ADGRB3: variants seen among roughly 807,000 people sequenced by gnomAD.
The protein encoded by ADGRB3 is brain-specific angiogenesis inhibitor 3.
A neutral mutation model predicts 193.4 loss-of-function variants in ADGRB3; 37 were observed. That is an observed-to-expected ratio of 0.19 (90% CI 0.15 to 0.25). ADGRB3 has a LOEUF of 0.25. Among genes scored for constraint, ADGRB3 ranks in the 10% least tolerant of loss-of-function variants. The pLI, the probability that ADGRB3 is intolerant of heterozygous loss-of-function variation, is 1.00. For missense variants in ADGRB3, 1,637 were observed against 1,852.9 expected, an observed-to-expected ratio of 0.88 and a Z score of 2.14; for synonymous variants, 690 against 644.2, an observed-to-expected ratio of 1.07 and a Z score of -1.08.
chr6:68,834,005 G>C (rs1191137654), intron 3 of ADGRB3, among the ~76,000 whole-genome samples: 3 of 139,000 alleles, frequency 2.2e-5, no homozygotes, highest in Admixed American at 2.1e-4. Flanking sequence ...ACCAAGCACA[G>C]TGCTTACATA....
At chr6:69,318,861 G>A (rs1582629019) in intron 20 of ADGRB3, among the ~76,000 whole-genome samples, 1 of 147,816 alleles carries the variant, frequency 6.8e-6, no homozygotes, top group African/African-American at 2.5e-5. Context: ...ATGTATAACT[G>A]TATATATATA....
chr6:69,021,265 T>G (rs1456117767), intron 13 of ADGRB3, among the ~76,000 whole-genome samples: 1 of 151,916 alleles, frequency 6.6e-6, no homozygotes, highest in African/African-American at 2.4e-5. Flanking sequence ...TTTAGAGAGA[T>G]TATAAATTAT....
rs142146855 is a variant in ADGRB3, at chr6:68,971,498, G to A, written c.1526-3265G>A. Among the ~76,000 whole-genome samples the A allele has an allele frequency of 4.1e-3, 621 of 152,268 alleles. 9 individuals carry two copies. The highest frequency in any genetic ancestry group is 4.4e-3 in the South Asian group (21 of 4,824). ...GTTGAAAAAAATCCACATATAAGTGGACCCATGCAGCTCAAACCTGTGTTG... is the reference window on the plus strand; with the variant it reads ...GTTGAAAAAAATCCACATATAAGTGAACCCATGCAGCTCAAACCTGTGTTG... On this transcript the variant is annotated intron_variant, in intron 8 of 31. Coordinates refer to ENST00000370598, the MANE Select transcript of ADGRB3 (RefSeq NM_001704.3).
At chr6:68,693,598 A>C (rs1765112896) in intron 3 of ADGRB3, among the ~76,000 whole-genome samples, 1 of 151,948 alleles carries the variant, frequency 6.6e-6, no homozygotes, top group Non-Finnish European at 1.5e-5. Context: ...TTTCTAATAA[A>C]ATGTCTACTC....
intron 17 of ADGRB3, among the ~76,000 whole-genome samples, chr6:69,154,686 C>T (rs550611616): frequency 2.0e-5 from 3 of 152,296 alleles, no homozygotes; most frequent in Non-Finnish European, 4.4e-5. Flanking sequence ...CCTCTGCTAA[C>T]GTATAGGTCT....
chr6:68,707,620 A>G lies in ADGRB3; in HGVS notation c.757+68188A>G, dbSNP rs560282845. ...TTTGTGAGATTAATTGAATAATTAT[A>G]CTTATAAATTATTGAGAAATAATCT... On this transcript the variant is annotated intron_variant, in intron 3 of 31. Coordinates refer to ENST00000370598, the MANE Select transcript of ADGRB3 (RefSeq NM_001704.3). Among the ~76,000 whole-genome samples, 6 of 152,286 alleles carry G rather than the reference A, an allele frequency of 3.9e-5. No homozygotes were observed. In the East Asian group the frequency reaches 1.2e-3, roughly 29 times the overall value.
At chr6:69,098,277 T>C (rs1772940826) in intron 17 of ADGRB3, among the ~76,000 whole-genome samples, 1 of 152,178 alleles carries the variant, frequency 6.6e-6, no homozygotes, top group South Asian at 2.1e-4. Flanking sequence ...AATCACCTAC[T>C]TCAAGTATTA....
At chr6:68,746,247 T>A (rs1423649398) in intron 3 of ADGRB3, among the ~76,000 whole-genome samples, 1 of 151,988 alleles carries the variant, frequency 6.6e-6, no homozygotes, top group Non-Finnish European at 1.5e-5. Flanking sequence ...CATTACTATT[T>A]TAATTTTTCT....
At chr6:68,687,189 T>A (rs1373893633) in intron 3 of ADGRB3, among the ~76,000 whole-genome samples, 1 of 152,040 alleles carries the variant, frequency 6.6e-6, no homozygotes, top group Non-Finnish European at 1.5e-5. Flanking sequence ...ATTTTTAAAG[T>A]TCCTAAATAT....
Position 68,666,523 on chromosome 6 carries a change from G to C in ADGRB3, c.757+27091G>C, listed in dbSNP as rs530597724. Among the ~76,000 whole-genome samples, 25 of 151,818 alleles carry C rather than the reference G, an allele frequency of 1.6e-4. No homozygotes were observed. In the South Asian group the frequency reaches 5.2e-3, roughly 31 times the overall value. On this transcript the variant is annotated intron_variant, in intron 3 of 31. Transcript: ENST00000370598. ...CAGAAGAAATGCTTTCTTCTGTTCT[G>C]TTGACACGCAAGTTAGTCATAGGTC...
intron 11 of ADGRB3, among the ~76,000 whole-genome samples, chr6:68,994,184 G>A (rs1769320907): frequency 6.6e-6 from 1 of 152,078 alleles, no homozygotes; most frequent in South Asian, 2.1e-4. Context: ...AGGAGATACT[G>A]AATGAGAACC....
chr6:69,068,730 T>A lies in ADGRB3; in HGVS notation c.2436+5694T>A, dbSNP rs180859546. 1.2e-3 allele frequency among the ~76,000 whole-genome samples: 188 copies of A among 152,296 alleles called. 1 individual carries two copies. The highest frequency in any genetic ancestry group is 4.4e-3 in the African/African-American group (185 of 41,578). ...CAAGCTGTCATCACATCTATAAAAA[T>A]AGTGTCATGTGGTTAATGTGGGCTA... is the stretch of plus-strand genomic sequence containing the variant. On this transcript the variant is annotated intron_variant, in intron 16 of 31. Transcript: ENST00000370598.
rs765300685 is a variant in ADGRB3, at chr6:69,070,952, T to C, written c.2437-5043T>C. Among the ~76,000 whole-genome samples the C allele has an allele frequency of 3.2e-4, 49 of 152,226 alleles. 1 individual carries two copies. The highest frequency in any genetic ancestry group is 7.2e-4 in the Non-Finnish European group (49 of 68,034). On this transcript the variant is annotated intron_variant, in intron 16 of 31. Transcript: ENST00000370598. ...TCAAAGATAATCTTGCTGATGAAGC[T>C]TTCTTAATAGACAAAAGTACTATCC...
At chr6:69,069,551 T>TCCAAAA (rs1772011240) in intron 16 of ADGRB3, among the ~76,000 whole-genome samples, 1 of 1,028 alleles carries the variant, frequency 9.7e-4, no homozygotes, top group Non-Finnish European at 2.1e-3. Context: ...CTACTAAAAA[T>TCCAAAA]ACAAAAAAAA....
intron 3 of ADGRB3, among the ~76,000 whole-genome samples, chr6:68,912,693 T>G (rs1466072395): frequency 6.6e-6 from 1 of 152,156 alleles, no homozygotes; most frequent in Non-Finnish European, 1.5e-5. Context: ...ACAAAGGACA[T>G]GAACTCATCA....
chr6:69,186,432 G>A (rs1450704326), intron 17 of ADGRB3, among the ~76,000 whole-genome samples: 2 of 151,628 alleles, frequency 1.3e-5, no homozygotes, highest in East Asian at 1.9e-4. Context: ...TTTCTGTAAA[G>A]CCTTCCCTCC....
intron 3 of ADGRB3, among the ~76,000 whole-genome samples, chr6:68,879,707 CA>C (rs1765685684): frequency 6.6e-6 from 1 of 152,098 alleles, no homozygotes; most frequent in African/African-American, 2.4e-5. Flanking sequence ...GTCACACCCC[CA>C]TACCTGAGCT....
chr6:68,985,116 A>G (rs1040394438), intron 10 of ADGRB3, among the ~76,000 whole-genome samples: 8 of 152,126 alleles, frequency 5.3e-5, no homozygotes, highest in Admixed American at 5.2e-4. Context: ...CTGTCAGTTT[A>G]GTTATGATTT....
intron 17 of ADGRB3, among the ~76,000 whole-genome samples, chr6:69,116,615 A>G (rs3799039): frequency 0.46 from 69,481 of 152,060 alleles, 16,852 homozygotes; most frequent in East Asian, 0.9. Context: ...GTAAAAACTG[A>G]AGGCAATTTC....
Sources: allele counts gnomAD v4.1 joint callset (sites outside exome capture counted in the v4.1 genomes callset), GRCh38; gene constraint gnomAD v4.1.1; transcripts MANE v1.5; gene names NCBI Gene and HGNC (gene_info 2026-07-23, HGNC 2026-07-21).